The following SLC20A2 variants were observed in gnomAD, a reference collection of about 807,000 sequenced individuals.
SLC20A2 encodes sodium-dependent phosphate transporter 2.
SLC20A2 carries 30 observed loss-of-function variants against 61.0 expected under a neutral mutation model. The ratio of observed to expected loss-of-function variants is 0.49; its 90% confidence interval spans 0.37 to 0.67. The LOEUF is 0.67. Among genes scored for constraint, SLC20A2 ranks in the 30% least tolerant of loss-of-function variants. SLC20A2 has a pLI of 0.00. For synonymous variants in SLC20A2, 351 were observed against 353.3 expected (o/e 0.99, Z 0.07); for missense variants, 626 against 866.4 (o/e 0.72, Z 3.48).
chr8:42,449,904 T>C (rs1586066944), intron 5 of SLC20A2, among the ~76,000 whole-genome samples: 1 of 152,230 alleles, frequency 6.6e-6, no homozygotes. Flanking sequence ...CTATATACTA[T>C]TCTATGCTTT....
At chr8:42,508,497 T>G (rs910237399) in intron 1 of SLC20A2, among the ~76,000 whole-genome samples, 4 of 152,206 alleles carry the variant, frequency 2.6e-5, no homozygotes, top group African/African-American at 9.6e-5. Flanking sequence ...TTCAAGTGAT[T>G]GTCCTGCCTC....
At chr8:42,522,451 C>T (rs1968670) in intron 1 of SLC20A2, among the ~76,000 whole-genome samples, 13,708 of 120,542 alleles carry the variant, frequency 0.11, 4,558 homozygotes, top group Middle Eastern at 0.27. Flanking sequence ...GGGGCCGAGG[C>T]GGGTGGATCA....
At chr8:42,428,242 G>A (rs1216546241) in intron 10 of SLC20A2, among the ~76,000 whole-genome samples, 5 of 152,216 alleles carry the variant, frequency 3.3e-5, no homozygotes, top group Non-Finnish European at 5.9e-5. Context: ...AGAGCACTCC[G>A]CAGTGGTCAG....
At chr8:42,445,873 A>G (rs1805174763) in intron 5 of SLC20A2, among the ~76,000 whole-genome samples, 1 of 152,274 alleles carries the variant, frequency 6.6e-6, no homozygotes, top group South Asian at 2.1e-4. Flanking sequence ...CTAGTTCCTC[A>G]GCAGCCAGTA....
intron 8 of SLC20A2, among the ~76,000 whole-genome samples, chr8:42,436,250 G>C (rs772656569): frequency 5.3e-5 from 8 of 151,922 alleles, no homozygotes; most frequent in African/African-American, 1.9e-4. Flanking sequence ...CTCCACCCAC[G>C]TTACCTGCTC....
intron 1 of SLC20A2, among the ~76,000 whole-genome samples, chr8:42,495,356 T>C (rs1809845030): frequency 6.6e-6 from 1 of 152,150 alleles, no homozygotes; most frequent in Non-Finnish European, 1.5e-5. Flanking sequence ...GGCTGTATAT[T>C]TATTGGAAGT....
At chr8:42,519,637 T>G (rs1015292944) in intron 1 of SLC20A2, among the ~76,000 whole-genome samples, 1 of 152,202 alleles carries the variant, frequency 6.6e-6, no homozygotes, top group African/African-American at 2.4e-5. Flanking sequence ...CAAAGAGCAC[T>G]TCCTTTATCA....
chr8:42,526,163 T>C (rs1052105697), intron 1 of SLC20A2, among the ~76,000 whole-genome samples: 2 of 152,120 alleles, frequency 1.3e-5, no homozygotes, highest in African/African-American at 2.4e-5. Flanking sequence ...AAGGTCAACA[T>C]CAACACTGAT....
At chr8:42,433,149 A>G (rs1158689210) in intron 8 of SLC20A2, among the ~76,000 whole-genome samples, 1 of 152,166 alleles carries the variant, frequency 6.6e-6, no homozygotes, top group Non-Finnish European at 1.5e-5. Flanking sequence ...TGTTAAGTAT[A>G]TTTACATTGT....
chr8:42,516,869 T>G (rs1312624498), intron 1 of SLC20A2, among the ~76,000 whole-genome samples: 2 of 152,178 alleles, frequency 1.3e-5, no homozygotes, highest in African/African-American at 4.8e-5. Context: ...CGATGTAATC[T>G]AGGCACCCAT....
chr8:42,440,117 T>G (rs1294515448), intron 6 of SLC20A2, among the ~76,000 whole-genome samples: 7 of 147,970 alleles, frequency 4.7e-5, no homozygotes, highest in Admixed American at 4.0e-4. Context: ...GAAAAGAAAG[T>G]CAAAAGTTCA....
Position 42,428,756 on chromosome 8 carries a change from AC to A in SLC20A2, c.1794+1del. The A allele has an allele frequency of 2.5e-6, 4 of 1,610,480 alleles. No individual in the cohort carries two copies. Among genetic ancestry groups the A allele is most frequent in the Non-Finnish European group, 3.4e-6 (4 of 1,178,606 alleles). Reference sequence around the variant, plus strand: ...AAGGGCTCCCGGCTAGCAGGGGCCTACCTTACAGTGCGTGGTGCTGACTGGA... The same window carrying A: ...AAGGGCTCCCGGCTAGCAGGGGCCTACTTACAGTGCGTGGTGCTGACTGGA... On this transcript the variant is annotated splice_donor_variant, in intron 10 of 10. Coordinates refer to ENST00000520262, the MANE Select transcript of SLC20A2 (RefSeq NM_001257180.2). LOFTEE classifies it high-confidence loss of function.
chr8:42,463,266 C>A, intron 3 of SLC20A2, 176 bp from the exon 4 acceptor site: 1 of 492,584 alleles, frequency 2.0e-6, no homozygotes, highest in Non-Finnish European at 3.6e-6. Context: ...CTGACCTTCA[C>A]ACATTTATGG....
chr8:42,530,248 T>C (rs900561730), intron 1 of SLC20A2, among the ~76,000 whole-genome samples: 4 of 152,202 alleles, frequency 2.6e-5, no homozygotes, highest in African/African-American at 9.7e-5. Flanking sequence ...TTCAAATCAC[T>C]GTGCCATATT....
At chr8:42,524,236 T>C (rs1278982076) in intron 1 of SLC20A2, among the ~76,000 whole-genome samples, 11 of 152,228 alleles carry the variant, frequency 7.2e-5, no homozygotes, top group Admixed American at 7.2e-4. Flanking sequence ...TTTTAAGATA[T>C]GAAAATGGTA....
chr8:42,437,220 T>A lies in SLC20A2; in HGVS notation c.1292A>T (p.Asp431Val). The A allele has an allele frequency of 4.3e-6, 7 of 1,613,812 alleles. No individual in the cohort carries two copies. The highest frequency in any genetic ancestry group is 5.9e-6 in the Non-Finnish European group (7 of 1,180,036). Residue 431 changes from aspartate (D) to valine (V), a missense_variant, in exon 8 of 11, where the codon GAC becomes GTC. Physicochemically the swap from Asp to Val is radical, Grantham distance 152 (BLOSUM62 -3). Transcript: ENST00000520262. This position sits in a 1 kb window ranked among gnomAD's most constrained non-coding sequence, Gnocchi z 6.4. ...CGCGTTACAGTAGCTCGAGTAGCTGTCGTAGCGCAGCCTCTTCTTGGAGTA... is the reference window on the plus strand; with the variant it reads ...CGCGTTACAGTAGCTCGAGTAGCTGACGTAGCGCAGCCTCTTCTTGGAGTA... The part of the protein sequence containing the change: ...VSYSKKRLRY[D>V]SYSSYCNAVA...
At position 42,541,616 on chromosome 8, in the gene SLC20A2, A is replaced by ACCGTTTCCCGCGCGCCCGGCCC. The variant is rs1813174435; in HGVS notation, c.-265+183_-265+204dup. On this transcript the variant is annotated intron_variant, in intron 1 of 10. Transcript: ENST00000342228. Reference sequence around the variant, plus strand: ...AGAGGGCGTCCAGGTCCGCTCGGTAACCGTTTCCCGCGCGCCCGGCCCCGA... The same window carrying ACCGTTTCCCGCGCGCCCGGCCC: ...AGAGGGCGTCCAGGTCCGCTCGGTAACCGTTTCCCGCGCGCCCGGCCCCCGTTTCCCGCGCGCCCGGCCCCGA... 3.4e-5 allele frequency: 5 copies of ACCGTTTCCCGCGCGCCCGGCCC among 149,086 alleles called. No homozygotes were observed. The South Asian group carries it at 8.4e-4, about 25-fold the overall frequency. The allele number at this position is 149,086 out of a possible 1,614,324, so 9.2% of individuals were successfully genotyped here. A position where few individuals can be genotyped will look rare whatever the true frequency, so the allele number is the denominator to read the frequency against.
chr8:42,539,890 A>C (rs977707440), intron 1 of SLC20A2, among the ~76,000 whole-genome samples: 1 of 152,248 alleles, frequency 6.6e-6, no homozygotes, highest in African/African-American at 2.4e-5. Context: ...TTGTACTTCT[A>C]TGAATTTTTA....
intron 5 of SLC20A2, among the ~76,000 whole-genome samples, chr8:42,447,922 C>T (rs904517576): frequency 6.6e-6 from 1 of 152,198 alleles, no homozygotes; most frequent in African/African-American, 2.4e-5. Flanking sequence ...CCAGCAGGCC[C>T]CATCCAACTC....
Sources: gnomAD v4.1 joint callset for allele counts (sites outside exome capture counted in the v4.1 genomes callset) on GRCh38, gnomAD v4.1.1 for gene constraint, Gnocchi (gnomAD v3.1) non-coding constraint, MANE v1.5 for transcripts, NCBI Gene and HGNC (gene_info 2026-07-23, HGNC 2026-07-21) for gene names.